APBB1IP: variants seen among roughly 807,000 people sequenced by gnomAD.
The protein encoded by APBB1IP is amyloid beta A4 precursor protein-binding family B member 1-interacting protein.
Under a neutral mutation model 64.9 loss-of-function variants are expected in APBB1IP, and 27 were observed. The observed-to-expected ratio is 0.42, with a 90% CI of 0.31 to 0.57. The LOEUF (loss-of-function observed/expected upper bound fraction) is 0.57. Among genes scored for constraint, APBB1IP ranks in the 20% least tolerant of loss-of-function variants. APBB1IP has a pLI of 0.20. For missense variants in APBB1IP, 812 were observed against 845.5 expected (o/e 0.96, Z 0.49); for synonymous variants, 392 against 331.0 (o/e 1.18, Z -2.00).
chr10:26,452,712 A>T (rs1835478419), intron 2 of APBB1IP, among the ~76,000 whole-genome samples: 1 of 152,094 alleles, frequency 6.6e-6, no homozygotes, highest in Admixed American at 6.5e-5. Context: ...ACAAGTGTAG[A>T]TTTCTTACAT....
At chr10:26,494,204 A>G (rs1189207531) in intron 3 of APBB1IP, among the ~76,000 whole-genome samples, 1 of 152,204 alleles carries the variant, frequency 6.6e-6, no homozygotes, top group Non-Finnish European at 1.5e-5. Context: ...AGACTGAGAA[A>G]AAAGCCCCTG....
chr10:26,469,527 G>A (rs1014336986), intron 2 of APBB1IP, among the ~76,000 whole-genome samples: 1 of 151,764 alleles, frequency 6.6e-6, no homozygotes, highest in Non-Finnish European at 1.5e-5. Flanking sequence ...TGGGATTACA[G>A]GCGTGAACCA....
In APBB1IP at chr10:26,546,335, A is replaced by G. The variant is rs571512547; in HGVS notation, c.1155+4643A>G. The stretch of plus-strand genomic sequence containing the variant: ...CATCAGAACCATTTAGATTGTTAAG[A>G]CACACATTGCTAGGCCCCCAGGGTT... On this transcript the variant is annotated intron_variant, in intron 11 of 14. Transcript: ENST00000376236. Among the ~76,000 whole-genome samples the G allele has an allele frequency of 4.7e-4, 71 of 152,326 alleles. No homozygotes were observed. The South Asian group carries it at 0.011, about 23-fold the overall frequency.
At chr10:26,522,377 A>G (rs932481785) in intron 8 of APBB1IP, among the ~76,000 whole-genome samples, 1 of 152,174 alleles carries the variant, frequency 6.6e-6, no homozygotes, top group African/African-American at 2.4e-5. Flanking sequence ...ACACGTTATT[A>G]TCACCCAAAG....
chr10:26,470,759 A>G (rs1013587213), intron 2 of APBB1IP, among the ~76,000 whole-genome samples: 11 of 152,136 alleles, frequency 7.2e-5, no homozygotes, highest in Non-Finnish European at 1.6e-4. Flanking sequence ...ATGCCACGCA[A>G]TAGTCAACGT....
chr10:26,442,324 G>T (rs1004552077), intron 2 of APBB1IP, among the ~76,000 whole-genome samples: 1 of 152,140 alleles, frequency 6.6e-6, no homozygotes, highest in African/African-American at 2.4e-5. Flanking sequence ...GTTAGCAATC[G>T]TGTGTTTTCA....
At chr10:26,506,568 G>C (rs1340234145) in intron 6 of APBB1IP, among the ~76,000 whole-genome samples, 1 of 152,194 alleles carries the variant, frequency 6.6e-6, no homozygotes, top group Non-Finnish European at 1.5e-5. Flanking sequence ...TAAATTAAGG[G>C]AAAGAAGAAA....
At chr10:26,558,690 T>C (rs968049445) in intron 11 of APBB1IP, among the ~76,000 whole-genome samples, 1 of 150,828 alleles carries the variant, frequency 6.6e-6, no homozygotes, top group African/African-American at 2.4e-5. Context: ...GGTGGAAGGA[T>C]TGCGTGAGCC....
chr10:26,491,699 G>A (rs540870432), intron 2 of APBB1IP, among the ~76,000 whole-genome samples: 2 of 149,236 alleles, frequency 1.3e-5, no homozygotes, highest in African/African-American at 4.9e-5. Flanking sequence ...AATATCTTTT[G>A]AAAGCAGGGA....
chr10:26,492,497 T>G, intron 3 of APBB1IP, 99 bp downstream of exon 3: 1 of 1,084,138 alleles, frequency 9.2e-7, no homozygotes, highest in Non-Finnish European at 1.4e-6. Context: ...AAAACCCTGA[T>G]ATCGGGGGAA....
intron 7 of APBB1IP, 43 bp downstream of exon 7, chr10:26,511,949 GTGGGTTTGCTGTATAA>G (rs1836266490): frequency 6.2e-7 from 1 of 1,605,636 alleles, no homozygotes; most frequent in African/African-American, 1.3e-5. Context: ...CAAAAACCTT[GTGGGTTTGCTGTATAA>G]TGGGCTTGGG....
At chr10:26,525,093 G>A (rs1836456754) in intron 8 of APBB1IP, among the ~76,000 whole-genome samples, 1 of 150,992 alleles carries the variant, frequency 6.6e-6, no homozygotes, top group Admixed American at 6.6e-5. Flanking sequence ...GACCAGACTG[G>A]GCAACATGTG....
rs1491130384 is a variant in APBB1IP at position 26,483,091 on chromosome 10, A to AT, written c.1-9235dup. On this transcript the variant is annotated intron_variant, in intron 2 of 14. Transcript: ENST00000376236. ...GGCAACAAGAGCAAAACTCCATCTG[A>AT]TAAAAAAAAAAAAAAAAAAAAAAAA... 4.4e-4 allele frequency among the ~76,000 whole-genome samples: 33 copies of AT among 74,980 alleles called. No homozygotes were observed. The East Asian group carries it at 7.2e-3, about 16-fold the overall frequency. 49.2% of individuals were successfully genotyped at this position (74,980 alleles called of 152,430 possible).
At chr10:26,554,657 T>C (rs1036892240) in intron 11 of APBB1IP, among the ~76,000 whole-genome samples, 13 of 152,128 alleles carry the variant, frequency 8.5e-5, no homozygotes, top group Non-Finnish European at 1.9e-4. Flanking sequence ...TCACAGCTCA[T>C]GGCAGCCTCA....
At chr10:26,481,890 C>T (rs1835839166) in intron 2 of APBB1IP, among the ~76,000 whole-genome samples, 1 of 149,962 alleles carries the variant, frequency 6.7e-6, no homozygotes, top group Admixed American at 6.7e-5. Flanking sequence ...AATTCTAAGA[C>T]TTTTCAAAGC....
Position 26,513,574 on chromosome 10 carries a change from G to A in APBB1IP, c.727G>A (p.Val243Ile). The A allele has an allele frequency of 6.2e-7, 1 of 1,612,834 alleles. No individual in the cohort carries two copies. Among genetic ancestry groups the A allele is most frequent in the South Asian group, 1.1e-5 (1 of 90,530 alleles). Residue 243 changes from valine to isoleucine, a missense_variant, in exon 8 of 15, where the codon GTC (valine) becomes ATC (isoleucine). Val to Ile is a conservative substitution (Grantham distance 29). Transcript: ENST00000376236. The stretch of plus-strand genomic sequence containing the variant: ...TGAAGACCATGAAAATGTTGTTGAA[G>A]TCTTATCAGACTGGACAAGAGACAC... ...FFEDHENVVEVLSDWTRDTEN... is the reference protein window; with the variant it reads ...FFEDHENVVEILSDWTRDTEN...
chr10:26,451,012 T>C (rs1835459769), intron 2 of APBB1IP, among the ~76,000 whole-genome samples: 1 of 152,116 alleles, frequency 6.6e-6, no homozygotes, highest in Admixed American at 6.6e-5. Context: ...TCAGATTCTG[T>C]TTCAAGCAAT....
intron 2 of APBB1IP, among the ~76,000 whole-genome samples, chr10:26,470,414 C>T (rs1835702708): frequency 6.6e-6 from 1 of 152,104 alleles, no homozygotes. Flanking sequence ...AGGCAGGCGC[C>T]TGTAATCCCA....
At chr10:26,550,553 T>C (rs1836817922) in intron 11 of APBB1IP, among the ~76,000 whole-genome samples, 3 of 152,214 alleles carry the variant, frequency 2.0e-5, no homozygotes, top group African/African-American at 7.2e-5. Context: ...CTCTGTTTCA[T>C]TTTTCATTTT....
Sources: gnomAD v4.1 joint callset for allele counts (sites outside exome capture counted in the v4.1 genomes callset) on GRCh38, gnomAD v4.1.1 for gene constraint, MANE v1.5 for transcripts, NCBI Gene and HGNC (gene_info 2026-07-23, HGNC 2026-07-21) for gene names.